FKBP4: variants seen among roughly 807,000 people sequenced by gnomAD.
FKBP4 encodes the protein peptidyl-prolyl cis-trans isomerase FKBP4.
A neutral mutation model predicts 54.1 loss-of-function variants in FKBP4; 28 were observed. The observed-to-expected ratio is 0.52, with a 90% CI of 0.38 to 0.71. The LOEUF (loss-of-function observed/expected upper bound fraction) is 0.71, where lower values mean the gene tolerates loss of function less well. Ranked by LOEUF, FKBP4 falls within the 30% of genes least tolerant of loss-of-function variation. FKBP4 has a pLI of 0.00. For missense variants in FKBP4, 493 were observed against 574.4 expected (o/e 0.86, Z 1.45); for synonymous variants, 223 against 216.1 (o/e 1.03, Z -0.28).
chr12:2,803,062 A>G (rs2097905718), intron 9 of FKBP4, 89 bp from the exon 10 acceptor site: 5 of 915,044 alleles, frequency 5.5e-6, no homozygotes, highest in Admixed American at 2.0e-5. Flanking sequence ...ATGTAGGAGA[A>G]TGGGTGTATC....
In FKBP4 at chr12:2,803,103, T is replaced by A. The variant is rs750747823; in HGVS notation, c.1273-48T>A. 9.0e-6 allele frequency: 12 copies of A among 1,335,770 alleles called. No homozygotes were observed. The East Asian group carries it at 3.0e-4, about 33-fold the overall frequency. 82.7% of individuals were successfully genotyped at this position (1,335,770 alleles called of 1,614,324 possible). On this transcript the variant is annotated intron_variant, in intron 9 of 9. Coordinates refer to ENST00000001008, the MANE Select transcript of FKBP4 (RefSeq NM_002014.4). ...AATTCTGCTGGAAATTAAGTGTGTG[T>A]TTTTTCACTTGGGAAGTCAGCCCGT...
At chr12:2,801,778 TTGTG>T (rs2097904922) in intron 9 of FKBP4, 27 of 343,852 alleles carry the variant, frequency 7.9e-5, no homozygotes, top group South Asian at 5.3e-4. Flanking sequence ...GAGATGCTTT[TTGTG>T]TGTGATTAAA....
chr12:2,796,431 CCT>C (rs944389311), intron 1 of FKBP4: 3 of 1,269,372 alleles, frequency 2.4e-6, no homozygotes, highest in Non-Finnish European at 2.0e-6. Context: ...CCTCAAAGCC[CCT>C]GTCTATTCTT....
At chr12:2,796,824 G>T in intron 1 of FKBP4, 1 of 1,134,784 alleles carries the variant, frequency 8.8e-7, no homozygotes. Context: ...GTAGGAGATA[G>T]GGATTATCAT....
intron 5 of FKBP4, among the ~76,000 whole-genome samples, chr12:2,799,445 A>G (rs1271914898): frequency 2.6e-5 from 4 of 152,190 alleles, no homozygotes; most frequent in African/African-American, 9.7e-5. Flanking sequence ...TTTCAGTCAT[A>G]GTTGCTACAG....
chr12:2,798,621 T>C lies in FKBP4; in HGVS notation c.394-85T>C. Reference sequence around the variant, plus strand: ...TGGTCAGATCCGGCCTGGCAGTTAGTAGGGACTCTCTCGGATGAGAAAGAT... The same window carrying C: ...TGGTCAGATCCGGCCTGGCAGTTAGCAGGGACTCTCTCGGATGAGAAAGAT... On this transcript the variant is annotated intron_variant, in intron 3 of 9. Coordinates refer to ENST00000001008, the MANE Select transcript of FKBP4 (RefSeq NM_002014.4). This position sits in a 1 kb window ranked among gnomAD's most constrained non-coding sequence, Gnocchi z 4.3. 3.1e-6 allele frequency: 5 copies of C among 1,598,400 alleles called. No homozygotes were observed. The highest frequency in any genetic ancestry group is 4.3e-6 in the Non-Finnish European group (5 of 1,171,384).
Position 2,795,230 on chromosome 12 carries a change from G to C in FKBP4, c.91G>C (p.Glu31Gln). 1.5e-6 allele frequency: 2 copies of C among 1,334,244 alleles called. No homozygotes were observed. Among genetic ancestry groups the C allele is most frequent in the Non-Finnish European group, 1.9e-6 (2 of 1,035,100 alleles). The allele number at this position is 1,334,244 out of a possible 1,614,324, so 82.7% of individuals were successfully genotyped here. A position where few individuals can be genotyped will look rare whatever the true frequency, so the allele number is the denominator to read the frequency against. ...AGTGGACATCAGCCCCAAACAGGAC[G>C]AAGGCGTGCTGAAGGTGAGGGGCGG... ...EGVDISPKQD[E>Q]GVLKVIKREG... is the part of the protein sequence containing the mutation. Residue 31 changes from glutamate to glutamine, a missense_variant, in exon 1 of 10, where the codon GAA (glutamate) becomes CAA (glutamine). Transcript: ENST00000001008. The surrounding 1 kb of genome is among the most constrained non-coding windows in gnomAD (Gnocchi z 4.3).
intron 1 of FKBP4, 103 bp from the exon 2 acceptor site, chr12:2,797,035 A>C: frequency 6.6e-7 from 1 of 1,522,764 alleles, no homozygotes; most frequent in Non-Finnish European, 8.8e-7. Flanking sequence ...GAGGATGAAC[A>C]CAGAGAAGTC....
Position 2,799,252 on chromosome 12 carries a change from G to C in FKBP4, c.671+8G>C, listed in dbSNP as rs1229240420. The C allele has an allele frequency of 2.0e-6, 3 of 1,487,454 alleles. No individual in the cohort carries two copies. The highest frequency in any genetic ancestry group is 2.5e-5 in the Admixed American group (1 of 40,026). 92.1% of individuals were successfully genotyped at this position (1,487,454 alleles called of 1,614,324 possible). On this transcript the variant is annotated splice_region_variant and intron_variant, in intron 5 of 9. Coordinates refer to ENST00000001008, the MANE Select transcript of FKBP4 (RefSeq NM_002014.4). The stretch of plus-strand genomic sequence containing the variant: ...CGTGTACCTCAAGCCCAGGTGAGGG[G>C]TGGGCACTTCGTAGGGTAGGCAGGC...
In FKBP4 at chr12:2,795,071, C is replaced by T. The variant is rs2097900855; in HGVS notation, c.-69C>T. ...CCTCCCGCACGCCCCGCAGGTAGCG[C>T]CCCCGCCCGCGGCCCAGAGTGCGCT... On this transcript the variant is annotated 5_prime_UTR_variant, in exon 1 of 10. Transcript: ENST00000001008. The surrounding 1 kb of genome is among the most constrained non-coding windows in gnomAD (Gnocchi z 4.3). The T allele has an allele frequency of 4.0e-6, 4 of 1,012,486 alleles. No homozygotes were observed. The highest frequency in any genetic ancestry group is 5.1e-6 in the Non-Finnish European group (4 of 783,736). The allele number at this position is 1,012,486 out of a possible 1,614,324, so 62.7% of individuals were successfully genotyped here.
At chr12:2,796,279 C>G in intron 1 of FKBP4, 1 of 1,289,232 alleles carries the variant, frequency 7.8e-7, no homozygotes, top group Non-Finnish European at 1.0e-6. Context: ...TTGGGGACCT[C>G]AAGCGTCTGC....
Position 2,801,296 on chromosome 12 carries a change from T to C in FKBP4, c.1212T>C (p.Leu404=), listed in dbSNP as rs1603481677. The C allele has an allele frequency of 6.2e-7, 1 of 1,614,056 alleles. No individual in the cohort carries two copies. The highest frequency in any genetic ancestry group is 8.5e-7 in the Non-Finnish European group (1 of 1,180,022). Residue 404 remains leucine (L), a synonymous_variant, in exon 9 of 10, where the codon CTT becomes CTC. Coordinates refer to ENST00000001008, the MANE Select transcript of FKBP4 (RefSeq NM_002014.4). The part of the protein sequence containing the change: ...AVCQQRIRRQ[L]AREKKLYANM... Reference sequence around the variant, plus strand: ...GCCAGCAGCGGATCCGAAGGCAGCTTGCCCGGGAGAAGAAGCTCTATGCCA... The same window carrying C: ...GCCAGCAGCGGATCCGAAGGCAGCTCGCCCGGGAGAAGAAGCTCTATGCCA...
Position 2,795,081 on chromosome 12 carries a change from C to T in FKBP4, c.-59C>T, listed in dbSNP as rs981156023. 2.0e-5 allele frequency: 22 copies of T among 1,114,276 alleles called. No homozygotes were observed. The highest frequency in any genetic ancestry group is 4.9e-5 in the African/African-American group (3 of 61,220). 69.0% of individuals were successfully genotyped at this position (1,114,276 alleles called of 1,614,324 possible). On this transcript the variant is annotated 5_prime_UTR_variant, in exon 1 of 10. Coordinates refer to ENST00000001008, the MANE Select transcript of FKBP4 (RefSeq NM_002014.4). This position sits in a 1 kb window ranked among gnomAD's most constrained non-coding sequence, Gnocchi z 4.3. ...GCCCCGCAGGTAGCGCCCCCGCCCG[C>T]GGCCCAGAGTGCGCTCGCGCCGGCA...
At chr12:2,799,573 G>C (rs1392314150) in intron 5 of FKBP4, among the ~76,000 whole-genome samples, 1 of 152,206 alleles carries the variant, frequency 6.6e-6, no homozygotes, top group Admixed American at 6.5e-5. Flanking sequence ...GAGACTAATA[G>C]AACATTGTTT....
chr12:2,799,239 G>A lies in FKBP4; in HGVS notation c.666G>A (p.Lys222=). Residue 222 remains lysine, a synonymous_variant, in exon 5 of 10, where the codon AAG becomes AAA. Transcript: ENST00000001008. ...GAGAACATTCCATCGTGTACCTCAA[G>A]CCCAGGTGAGGGGTGGGCACTTCGT... ...EKGEHSIVYL[K]PSYAFGSVGK... The A allele has an allele frequency of 6.6e-7, 1 of 1,511,280 alleles. No individual in the cohort carries two copies. The highest frequency in any genetic ancestry group is 8.8e-7 in the Non-Finnish European group (1 of 1,130,354). 93.6% of individuals were successfully genotyped at this position (1,511,280 alleles called of 1,614,324 possible). A position where few individuals can be genotyped will look rare whatever the true frequency, so the allele number is the denominator to read the frequency against.
At position 2,796,244 on chromosome 12, in the gene FKBP4, G is replaced by A. The variant is rs772269514; in HGVS notation, c.106-894G>A. 8.5e-6 allele frequency: 11 copies of A among 1,289,118 alleles called. No homozygotes were observed. The South Asian group carries it at 1.2e-4, about 14-fold the overall frequency. 79.9% of individuals were successfully genotyped at this position (1,289,118 alleles called of 1,614,324 possible). A position where few individuals can be genotyped will look rare whatever the true frequency, so the allele number is the denominator to read the frequency against. ...CAGGGGGCCTTTACCTGGTCCAGAA[G>A]TGCATCTGTCTTTGCACCAGATTAT... On this transcript the variant is annotated intron_variant, in intron 1 of 9. Transcript: ENST00000001008.
intron 8 of FKBP4, 89 bp downstream of exon 8, chr12:2,800,666 AGG>A: frequency 8.2e-6 from 11 of 1,343,992 alleles, no homozygotes; most frequent in Non-Finnish European, 1.0e-5. Flanking sequence ...CTTGGTGACT[AGG>A]GCAGGGATAG....
rs920868867 is a variant in FKBP4, at chr12:2,801,188, CTT to C, written c.1106_1107del (p.Phe369Ter). ...GAGAGGCCCACCTGGCCGTGAATGACTTTGAACTGGCACGGGCTGATTTCCAG... is the reference window on the plus strand; with the variant it reads ...GAGAGGCCCACCTGGCCGTGAATGACTGAACTGGCACGGGCTGATTTCCAG... The part of the protein sequence containing the change: ...RGEAHLAVND[F>X]ELARADFQKV... On this transcript the variant is annotated frameshift_variant, in exon 9 of 10. Transcript: ENST00000001008. LOFTEE classifies it high-confidence loss of function. 2 of 1,613,476 alleles carry C rather than the reference CTT, an allele frequency of 1.2e-6. No homozygotes were observed. Among genetic ancestry groups the C allele is most frequent in the Non-Finnish European group, 1.7e-6 (2 of 1,180,038 alleles).
At chr12:2,801,691 C>A (rs752325257) in intron 9 of FKBP4, 2 of 475,546 alleles carry the variant, frequency 4.2e-6, no homozygotes, top group South Asian at 3.2e-5. Flanking sequence ...TAGGTAGAGA[C>A]CTCAGTGACT....
Sources: gnomAD v4.1 joint callset for allele counts (sites outside exome capture counted in the v4.1 genomes callset) on GRCh38, gnomAD v4.1.1 for gene constraint, Gnocchi (gnomAD v3.1) non-coding constraint, MANE v1.5 for transcripts, NCBI Gene and HGNC (gene_info 2026-07-23, HGNC 2026-07-21) for gene names.